Variants in KSR1 observed in about 807,000 individuals in gnomAD.
KSR1 encodes the protein kinase suppressor of ras.
A neutral mutation model predicts 92.9 loss-of-function variants in KSR1; 35 were observed. That is an observed-to-expected ratio of 0.38 (90% CI 0.29 to 0.50). The LOEUF is 0.50. Ranked by LOEUF, KSR1 falls within the 20% of genes least tolerant of loss-of-function variation. KSR1 has a pLI of 0.94. For synonymous variants in KSR1, 467 were observed against 472.6 expected (o/e 0.99, Z 0.15); for missense variants, 972 against 1,158.5 (o/e 0.84, Z 2.34).
At chr17:27,596,997 G>A (rs1486047396) in intron 9 of KSR1, among the ~76,000 whole-genome samples, 3 of 152,230 alleles carry the variant, frequency 2.0e-5, no homozygotes, top group Admixed American at 2.0e-4. Flanking sequence ...GAGGAGGAGC[G>A]TGGTCCCAGC....
chr17:27,544,292 G>C (rs575153872), intron 1 of KSR1, among the ~76,000 whole-genome samples: 6 of 152,296 alleles, frequency 3.9e-5, no homozygotes, highest in Non-Finnish European at 5.9e-5. Flanking sequence ...CCCGTGGTTT[G>C]TTTTTTGCTT....
At chr17:27,467,352 C>T (rs961054136) in intron 1 of KSR1, among the ~76,000 whole-genome samples, 7 of 152,302 alleles carry the variant, frequency 4.6e-5, no homozygotes, top group Admixed American at 2.6e-4. Context: ...TGGTGTGTAG[C>T]GGGCAAGGGA....
At chr17:27,502,256 C>A (rs572844230) in intron 1 of KSR1, among the ~76,000 whole-genome samples, 2 of 152,150 alleles carry the variant, frequency 1.3e-5, no homozygotes, top group Non-Finnish European at 2.9e-5. Flanking sequence ...CAGAAGCATC[C>A]GGTGTAGCCT....
At chr17:27,588,892 C>T (rs962887010) in intron 6 of KSR1, among the ~76,000 whole-genome samples, 1 of 152,180 alleles carries the variant, frequency 6.6e-6, no homozygotes, top group Non-Finnish European at 1.5e-5. Flanking sequence ...TGAAACTGGC[C>T]GCATATCAGA....
chr17:27,586,016 G>C (rs1003064968), intron 5 of KSR1: 1 of 326,516 alleles, frequency 3.1e-6, no homozygotes, highest in African/African-American at 2.1e-5. Flanking sequence ...GCACCCCTGG[G>C]AAGGCGGTGC....
chr17:27,586,932 G>A (rs1421252566), intron 5 of KSR1, among the ~76,000 whole-genome samples: 1 of 152,210 alleles, frequency 6.6e-6, no homozygotes, highest in African/African-American at 2.4e-5. Context: ...AAGTGCAGTA[G>A]TGCAATCTCA....
At chr17:27,606,858 G>T (rs1189464781) in intron 14 of KSR1, among the ~76,000 whole-genome samples, 1 of 152,124 alleles carries the variant, frequency 6.6e-6, no homozygotes, top group Non-Finnish European at 1.5e-5. Flanking sequence ...ACTAGACAGG[G>T]TCTCGCTCTG....
intron 1 of KSR1, among the ~76,000 whole-genome samples, chr17:27,489,913 A>G (rs984933893): frequency 2.0e-5 from 3 of 152,252 alleles, no homozygotes; most frequent in African/African-American, 7.2e-5. Flanking sequence ...TTGCTTCACC[A>G]ATCTGGGCAG....
In KSR1 at chr17:27,563,081, A is replaced by T. The variant is rs118154797; in HGVS notation, c.372+12373A>T. ...AAGTATGGGTCTCAAGTCCTTTTGCATCTCTTTTCCATCACTGCCACCTCC... is the reference window on the plus strand; with the variant it reads ...AAGTATGGGTCTCAAGTCCTTTTGCTTCTCTTTTCCATCACTGCCACCTCC... On this transcript the variant is annotated intron_variant, in intron 2 of 20. Coordinates refer to ENST00000644974, the MANE Select transcript of KSR1 (RefSeq NM_001394583.1). Among the ~76,000 whole-genome samples the T allele has an allele frequency of 3.3e-5, 5 of 152,246 alleles. No individual in the cohort carries two copies. In the East Asian group the frequency reaches 9.7e-4, roughly 29 times the overall value.
chr17:27,543,873 G>C (rs1013484043), intron 1 of KSR1, among the ~76,000 whole-genome samples: 4 of 152,140 alleles, frequency 2.6e-5, no homozygotes, highest in African/African-American at 7.2e-5. Flanking sequence ...TCTGATGCGT[G>C]GGTTCCTCCA....
At chr17:27,592,785 A>G (rs182603251) in intron 9 of KSR1, among the ~76,000 whole-genome samples, 159 bp downstream of exon 9, 8 of 152,302 alleles carry the variant, frequency 5.3e-5, no homozygotes, top group Admixed American at 5.2e-4. Context: ...TTGAGCCACT[A>G]GGAGGCTTTA....
intron 1 of KSR1, among the ~76,000 whole-genome samples, chr17:27,523,346 T>A (rs549557485): frequency 6.6e-6 from 1 of 151,262 alleles, no homozygotes; most frequent in African/African-American, 2.4e-5. Flanking sequence ...GTAGAAAGGT[T>A]GCAGAATATC....
intron 1 of KSR1, chr17:27,526,839 G>A: frequency 1.4e-6 from 1 of 738,876 alleles, no homozygotes; most frequent in Non-Finnish European, 2.3e-6. Context: ...TCCGGGGGGA[G>A]GGGTGGAAGG....
chr17:27,547,215 G>C (rs180845153), intron 1 of KSR1, among the ~76,000 whole-genome samples: 2 of 152,226 alleles, frequency 1.3e-5, no homozygotes, highest in African/African-American at 4.8e-5. Flanking sequence ...GTTTTCTGGG[G>C]GAAATTTCAA....
chr17:27,607,853 A>G, intron 14 of KSR1, 61 bp from the exon 15 acceptor site: 2 of 1,245,278 alleles, frequency 1.6e-6, no homozygotes, highest in Non-Finnish European at 2.3e-6. Flanking sequence ...GGGCTCCACC[A>G]GGGTTGGGGT....
chr17:27,609,983 G>A (rs1369388607), intron 16 of KSR1, 84 bp from the exon 17 acceptor site: 4 of 1,553,200 alleles, frequency 2.6e-6, no homozygotes, highest in Non-Finnish European at 3.5e-6. Context: ...TGTTCTGCCG[G>A]CCCTGGGGCA....
intron 1 of KSR1, among the ~76,000 whole-genome samples, chr17:27,546,846 C>T (rs1414064813): frequency 1.3e-5 from 2 of 152,150 alleles, no homozygotes; most frequent in East Asian, 3.8e-4. Context: ...GCTTCATGCT[C>T]TGTAGGTGCT....
Position 27,622,260 on chromosome 17 carries a change from G to A in KSR1, c.2708+987G>A, listed in dbSNP as rs1318610618. ...CCGTGTTCTTCTGAGGGCTGGTCTT[G>A]TTTTTGTTTGGGTGGCTCTGTCTCA... is the stretch of plus-strand genomic sequence containing the variant. On this transcript the variant is annotated intron_variant, in intron 20 of 20. Transcript: ENST00000644974. 8 of 398,594 alleles carry A rather than the reference G, an allele frequency of 2.0e-5. No individual in the cohort carries two copies. The Admixed American group carries it at 3.0e-4, about 15-fold the overall frequency. 24.7% of individuals were successfully genotyped at this position (398,594 alleles called of 1,614,324 possible).
chr17:27,505,755 T>G (rs2150989598), intron 1 of KSR1, among the ~76,000 whole-genome samples: 1 of 152,374 alleles, frequency 6.6e-6, no homozygotes, highest in Non-Finnish European at 1.5e-5. Flanking sequence ...TTAATATTTT[T>G]TGTTGATGTT....
Sources: allele counts gnomAD v4.1 joint callset (sites outside exome capture counted in the v4.1 genomes callset), GRCh38; gene constraint gnomAD v4.1.1; transcripts MANE v1.5; gene names NCBI Gene and HGNC (gene_info 2026-07-23, HGNC 2026-07-21).